Variants in N4BP1 observed in about 807,000 individuals in gnomAD.
N4BP1 encodes NEDD4-binding protein 1.
A neutral mutation model predicts 70.9 loss-of-function variants in N4BP1; 21 were observed. The observed-to-expected ratio is 0.30, with a 90% confidence interval of 0.21 to 0.43. N4BP1 has a LOEUF of 0.43. Ranked by LOEUF, N4BP1 falls within the 20% of genes least tolerant of loss-of-function variation. The pLI is 1.00. For missense variants in N4BP1, 936 were observed against 1,069.4 expected, an observed-to-expected ratio of 0.88 and a Z score of 1.74; for synonymous variants, 387 against 394.6, an observed-to-expected ratio of 0.98 and a Z score of 0.23.
chr16:48,600,992 T>C (rs977648171), intron 1 of N4BP1, among the ~76,000 whole-genome samples: 1 of 152,222 alleles, frequency 6.6e-6, no homozygotes, highest in Admixed American at 6.5e-5. Context: ...AAATAAAATA[T>C]TATTTGCAGC....
Position 48,582,025 on chromosome 16 carries a change from G to A in N4BP1, c.199-19581C>T, listed in dbSNP as rs574166341. ...TCAACAGAGATTACCTACAGAATGA[G>A]AGAAAATATTTGCAAACTATACACA... is the stretch of plus-strand genomic sequence containing the variant. On this transcript the variant is annotated intron_variant, in intron 1 of 6. Transcript: ENST00000262384. Among the ~76,000 whole-genome samples the A allele has an allele frequency of 5.3e-5, 8 of 152,204 alleles. No individual in the cohort carries two copies. In the East Asian group the frequency reaches 1.4e-3, roughly 26 times the overall value.
Position 48,546,040 on chromosome 16 carries a change from A to G in N4BP1, c.2333+107T>C, listed in dbSNP as rs75483114. 701 of 693,116 alleles carry G rather than the reference A, an allele frequency of 1.0e-3. 6 individuals are homozygous for G. The highest frequency in any genetic ancestry group is 7.5e-3 in the South Asian group (338 of 45,040). The allele number at this position is 693,116 out of a possible 1,614,324, so 42.9% of individuals were successfully genotyped here. On this transcript the variant is annotated intron_variant, in intron 6 of 6. Transcript: ENST00000262384. Reference sequence around the variant, plus strand: ...AAGACCTTGTCTCAAAAAAAAAAAAAATAATTTTTTTAATGTCATTTTTAG... The same window carrying G: ...AAGACCTTGTCTCAAAAAAAAAAAAGATAATTTTTTTAATGTCATTTTTAG...
chr16:48,584,072 C>T (rs1339817553), intron 1 of N4BP1, among the ~76,000 whole-genome samples: 1 of 152,206 alleles, frequency 6.6e-6, no homozygotes, highest in African/African-American at 2.4e-5. Flanking sequence ...CCAGTGGATA[C>T]AAATCACTAG....
intron 1 of N4BP1, among the ~76,000 whole-genome samples, chr16:48,600,836 C>T (rs191498075): frequency 6.6e-6 from 1 of 152,306 alleles, no homozygotes; most frequent in East Asian, 1.9e-4. Flanking sequence ...GTTAAATCTT[C>T]ACTGATAGAT....
At chr16:48,607,684 A>C (rs1487941365) in intron 1 of N4BP1, among the ~76,000 whole-genome samples, 2 of 152,226 alleles carry the variant, frequency 1.3e-5, no homozygotes, top group Non-Finnish European at 2.9e-5. Context: ...TCAGAAGAAA[A>C]AGCAGGACTT....
Position 48,609,992 on chromosome 16 carries a change from G to A in N4BP1, c.-20C>T, listed in dbSNP as rs1315438526. The A allele has an allele frequency of 2.7e-5, 32 of 1,171,596 alleles. No individual in the cohort carries two copies. Among genetic ancestry groups the A allele is most frequent in the Middle Eastern group, 3.4e-4 (1 of 2,912 alleles). 72.6% of individuals were successfully genotyped at this position (1,171,596 alleles called of 1,614,324 possible). On this transcript the variant is annotated 5_prime_UTR_variant, in exon 1 of 7. Coordinates refer to ENST00000262384, the MANE Select transcript of N4BP1 (RefSeq NM_153029.4). Reference sequence around the variant, plus strand: ...CGCCATGGCGGGCGCGGCCTCCCGCGGCGGCGCCGGGGGCCGGCGGCGGCG... The same window carrying A: ...CGCCATGGCGGGCGCGGCCTCCCGCAGCGGCGCCGGGGGCCGGCGGCGGCG...
chr16:48,564,124 G>A (rs1313606582), intron 1 of N4BP1, among the ~76,000 whole-genome samples: 1 of 152,014 alleles, frequency 6.6e-6, no homozygotes, highest in African/African-American at 2.4e-5. Flanking sequence ...TATATCCTAA[G>A]AGTCTTTTGT....
At chr16:48,579,310 G>A (rs1964143858) in intron 1 of N4BP1, among the ~76,000 whole-genome samples, 1 of 152,178 alleles carries the variant, frequency 6.6e-6, no homozygotes, top group Admixed American at 6.5e-5. Flanking sequence ...AAAAAGGGGG[G>A]AAGGGAGTTT....
chr16:48,557,536 C>T (rs915369781), intron 2 of N4BP1, among the ~76,000 whole-genome samples: 5 of 152,114 alleles, frequency 3.3e-5, no homozygotes, highest in African/African-American at 1.2e-4. Context: ...ATGGGTGATT[C>T]GGCTTTAAAA....
Position 48,561,284 on chromosome 16 carries a change from T to C in N4BP1, c.1359A>G (p.Pro453=), listed in dbSNP as rs374153182. The C allele has an allele frequency of 6.2e-7, 1 of 1,613,918 alleles. No individual in the cohort carries two copies. Reference sequence around the variant, plus strand: ...TATTAATTCTACAATTTGAGGTACATGGTTTAGCTTCCACTTTGAATGGTA... The same window carrying C: ...TATTAATTCTACAATTTGAGGTACACGGTTTAGCTTCCACTTTGAATGGTA... ...SQLPFKVEAK[P]CTSNCRINTF... is the part of the protein sequence containing the mutation. Residue 453 remains proline (P), a synonymous_variant, in exon 2 of 7, where the codon CCA becomes CCG. Transcript: ENST00000262384.
chr16:48,570,050 C>T (rs1963993260), intron 1 of N4BP1, among the ~76,000 whole-genome samples: 1 of 151,872 alleles, frequency 6.6e-6, no homozygotes, highest in African/African-American at 2.4e-5. Flanking sequence ...GAGACCACAA[C>T]TCCAATTAGA....
intron 1 of N4BP1, among the ~76,000 whole-genome samples, chr16:48,608,639 T>C (rs1964623518): frequency 6.6e-6 from 1 of 151,862 alleles, no homozygotes; most frequent in Admixed American, 6.6e-5. Flanking sequence ...ACATACTGTG[T>C]TGCTTTTTGG....
At chr16:48,570,372 G>A (rs1289063263) in intron 1 of N4BP1, among the ~76,000 whole-genome samples, 2 of 152,152 alleles carry the variant, frequency 1.3e-5, no homozygotes, top group African/African-American at 4.8e-5. Context: ...TTGAGACGGA[G>A]TCTCACTCTG....
intron 1 of N4BP1, among the ~76,000 whole-genome samples, chr16:48,582,691 T>C (rs1008643591): frequency 7.9e-5 from 12 of 151,986 alleles, no homozygotes; most frequent in Admixed American, 2.6e-4. Context: ...TATCTACGTA[T>C]AGGAAAAAAA....
Position 48,562,071 on chromosome 16 carries a change from T to A in N4BP1, c.572A>T (p.Gln191Leu). Reference protein sequence around the residue: ...SLKKELLTLTQGEENLFETGD... With the variant: ...SLKKELLTLTLGEENLFETGD... Reference sequence around the variant, plus strand: ...TGTTTCAAAGAGATTCTCCTCACCTTGTGTGAGTGTCAAAAGTTCTTTTTT... The same window carrying A: ...TGTTTCAAAGAGATTCTCCTCACCTAGTGTGAGTGTCAAAAGTTCTTTTTT... Residue 191 changes from glutamine (Q) to leucine (L), a missense_variant, in exon 2 of 7, where the codon CAA becomes CTA. Gln to Leu is a moderately radical substitution (Grantham distance 113, BLOSUM62 -2). Transcript: ENST00000262384. 1 of 1,613,842 alleles carries A rather than the reference T, an allele frequency of 6.2e-7. No individual in the cohort carries two copies. The highest frequency in any genetic ancestry group is 1.3e-5 in the African/African-American group (1 of 75,040).
At chr16:48,568,152 C>T (rs745625655) in intron 1 of N4BP1, among the ~76,000 whole-genome samples, 3 of 152,212 alleles carry the variant, frequency 2.0e-5, no homozygotes, top group Non-Finnish European at 4.4e-5. Flanking sequence ...TGATGCTTTC[C>T]CTGTGGTCCT....
intron 1 of N4BP1, among the ~76,000 whole-genome samples, chr16:48,593,133 T>G (rs1964360453): frequency 6.6e-6 from 1 of 152,210 alleles, no homozygotes; most frequent in African/African-American, 2.4e-5. Flanking sequence ...TACAGCTAGG[T>G]AAGGCCTGGG....
intron 1 of N4BP1, among the ~76,000 whole-genome samples, chr16:48,574,917 C>T (rs1187383740): frequency 1.3e-5 from 2 of 152,212 alleles, no homozygotes; most frequent in East Asian, 3.9e-4. Context: ...ACTGGCAAGA[C>T]TGGCAGAGAA....
intron 2 of N4BP1, among the ~76,000 whole-genome samples, chr16:48,556,589 G>T (rs1384430487): frequency 6.6e-6 from 1 of 152,182 alleles, no homozygotes; most frequent in Non-Finnish European, 1.5e-5. Context: ...ACATTTAAAT[G>T]CCTGCTTCCA....
Sources: allele counts gnomAD v4.1 joint callset (sites outside exome capture counted in the v4.1 genomes callset), GRCh38; gene constraint gnomAD v4.1.1; transcripts MANE v1.5; gene names NCBI Gene and HGNC (gene_info 2026-07-23, HGNC 2026-07-21).